EPHB1: variants seen among roughly 807,000 people sequenced by gnomAD.
EPHB1 encodes ephrin type-B receptor 1.
EPHB1 carries 30 observed loss-of-function variants against 94.4 expected under a neutral mutation model. The observed-to-expected ratio is 0.32, with a 90% confidence interval of 0.24 to 0.43. EPHB1 has a LOEUF of 0.43. EPHB1 is among the 20% of genes least tolerant of loss of function. The pLI is 1.00. For synonymous variants in EPHB1, 522 were observed against 489.1 expected (o/e 1.07, Z -0.89); for missense variants, 1,055 against 1,308.3 (o/e 0.81, Z 2.99).
chr3:134,818,020 A>G (rs768142353), intron 1 of EPHB1, among the ~76,000 whole-genome samples: 1 of 151,510 alleles, frequency 6.6e-6, no homozygotes, highest in Non-Finnish European at 1.5e-5. Flanking sequence ...TCCCCGCCCC[A>G]CTCCTGGCTC....
At chr3:135,001,962 A>G (rs1322467569) in intron 3 of EPHB1, among the ~76,000 whole-genome samples, 1 of 152,238 alleles carries the variant, frequency 6.6e-6, no homozygotes, top group African/African-American at 2.4e-5. Context: ...TGAACATATC[A>G]TTTGTACAGC....
intron 6 of EPHB1, 132 bp downstream of exon 6, chr3:135,154,408 C>T (rs765260756): frequency 6.3e-5 from 83 of 1,326,106 alleles, no homozygotes; most frequent in Non-Finnish European, 1.1e-5. Context: ...GCCAGAAGGT[C>T]CCTGGGAGAG....
chr3:135,064,294 C>T (rs187749208), intron 3 of EPHB1, among the ~76,000 whole-genome samples: 172 of 152,148 alleles, frequency 1.1e-3, no homozygotes, highest in Non-Finnish European at 1.9e-3. Flanking sequence ...CTTTGAATGG[C>T]TGGTAGAATT....
chr3:135,201,796 C>A, intron 12 of EPHB1, 107 bp downstream of exon 12: 4 of 1,073,018 alleles, frequency 3.7e-6, no homozygotes, highest in Non-Finnish European at 5.4e-6. Context: ...GGAACCTGAA[C>A]TGAGCTCTCC....
chr3:134,997,785 C>G (rs1348417842), intron 3 of EPHB1, among the ~76,000 whole-genome samples: 1 of 152,168 alleles, frequency 6.6e-6, no homozygotes, highest in Non-Finnish European at 1.5e-5. Context: ...CAAACAGTTT[C>G]CTGAATTTTT....
chr3:135,121,263 T>C (rs1482986309), intron 4 of EPHB1, among the ~76,000 whole-genome samples: 1 of 152,170 alleles, frequency 6.6e-6, no homozygotes, highest in Non-Finnish European at 1.5e-5. Flanking sequence ...CAACCAGATC[T>C]CCAGATGCAA....
At chr3:135,236,072 C>CAAAGT (rs1364217253) in intron 12 of EPHB1, among the ~76,000 whole-genome samples, 1 of 152,096 alleles carries the variant, frequency 6.6e-6, no homozygotes, top group African/African-American at 2.4e-5. Flanking sequence ...GCTTCTATAA[C>CAAAGT]AAAGTATCAC....
intron 12 of EPHB1, among the ~76,000 whole-genome samples, chr3:135,213,632 A>G (rs6763363): frequency 1.3e-5 from 2 of 152,124 alleles, no homozygotes; most frequent in African/African-American, 4.8e-5. Flanking sequence ...TTTACCTTTT[A>G]TCAGCTGACA....
chr3:135,178,084 C>T (rs1942034317), intron 9 of EPHB1, among the ~76,000 whole-genome samples: 1 of 152,152 alleles, frequency 6.6e-6, no homozygotes, highest in Non-Finnish European at 1.5e-5. Flanking sequence ...AACCCTAAAA[C>T]AAGTGACTGG....
rs1326864845 is a variant in EPHB1, at chr3:135,172,277, ATGT to A, written c.1759+5277_1759+5279del. Among the ~76,000 whole-genome samples, 3 of 152,326 alleles carry A rather than the reference ATGT, an allele frequency of 2.0e-5. 1 individual carries two copies. Among genetic ancestry groups the A allele is most frequent in the Admixed American group, 1.3e-4 (2 of 15,304 alleles). ...ATAATGCCATTATGGCAAAAGAAAGATGTTGTTGGCTTCATGAGATTAAATGGC... is the reference window on the plus strand; with the variant it reads ...ATAATGCCATTATGGCAAAAGAAAGATGTTGGCTTCATGAGATTAAATGGC... On this transcript the variant is annotated intron_variant, in intron 9 of 15. Transcript: ENST00000398015.
intron 4 of EPHB1, among the ~76,000 whole-genome samples, chr3:135,116,680 C>T (rs1050436712): frequency 1.3e-5 from 2 of 152,196 alleles, no homozygotes; most frequent in Non-Finnish European, 2.9e-5. Context: ...ACCCTGAATC[C>T]CATTGCACTG....
chr3:135,121,720 G>A (rs1390004872), intron 4 of EPHB1, among the ~76,000 whole-genome samples: 3 of 152,132 alleles, frequency 2.0e-5, no homozygotes, highest in Admixed American at 1.3e-4. Flanking sequence ...TATACAGGAG[G>A]TCTGCTTGGG....
intron 1 of EPHB1, among the ~76,000 whole-genome samples, chr3:134,916,480 G>A (rs949358654): frequency 6.6e-6 from 1 of 152,232 alleles, no homozygotes; most frequent in African/African-American, 2.4e-5. Flanking sequence ...TAGGCATGGC[G>A]GGCTGCAGGT....
chr3:135,134,845 G>A (rs1363226647), intron 5 of EPHB1, among the ~76,000 whole-genome samples: 1 of 152,046 alleles, frequency 6.6e-6, no homozygotes, highest in Non-Finnish European at 1.5e-5. Flanking sequence ...CTCTCTCTAA[G>A]CATGTGCGAA....
intron 3 of EPHB1, among the ~76,000 whole-genome samples, chr3:135,007,744 G>A (rs1011339161): frequency 3.9e-5 from 6 of 152,180 alleles, no homozygotes; most frequent in Non-Finnish European, 2.9e-5. Context: ...CAATCCCCAC[G>A]TGATCAGTCT....
chr3:134,941,945 A>G (rs1420809568), intron 2 of EPHB1, among the ~76,000 whole-genome samples: 1 of 152,220 alleles, frequency 6.6e-6, no homozygotes, highest in Non-Finnish European at 1.5e-5. Context: ...TCATACATCA[A>G]AGTCATGATC....
rs1942494141 is a variant in EPHB1, at chr3:135,192,770, G to A, written c.2077G>A (p.Val693Ile). ...LEGVVTKSRP[V>I]MIITEFMENG... ...GGGTGTGGTCACCAAGAGTCGGCCT[G>A]TCATGATCATCACAGAGTTCATGGA... The change falls in exon 11 of 16, where the codon GTC becomes ATC. Residue 693 changes from valine to isoleucine, a missense_variant. Coordinates refer to ENST00000398015, the MANE Select transcript of EPHB1 (RefSeq NM_004441.5). 1.9e-6 allele frequency: 3 copies of A among 1,614,068 alleles called. No individual in the cohort carries two copies. The highest frequency in any genetic ancestry group is 1.7e-5 in the Admixed American group (1 of 60,006).
chr3:135,106,721 C>A, intron 4 of EPHB1, 118 bp downstream of exon 4: 1 of 1,321,270 alleles, frequency 7.6e-7, no homozygotes, highest in Non-Finnish European at 1.0e-6. Context: ...AGCAGAATTG[C>A]TGGCCATGGT....
chr3:134,967,497 G>T (rs973924533), intron 3 of EPHB1, among the ~76,000 whole-genome samples: 5 of 152,158 alleles, frequency 3.3e-5, no homozygotes, highest in Middle Eastern at 3.4e-3. Flanking sequence ...TCAAGGGAGT[G>T]GGTTAGCTGT....
Sources: gnomAD v4.1 joint callset for allele counts (sites outside exome capture counted in the v4.1 genomes callset) on GRCh38, gnomAD v4.1.1 for gene constraint, MANE v1.5 for transcripts, NCBI Gene and HGNC (gene_info 2026-07-23, HGNC 2026-07-21) for gene names.